Variants in PKP2 observed in about 807,000 individuals in gnomAD.
PKP2 encodes the protein plakophilin 2.
In PKP2, 73 loss-of-function variants were observed where a neutral mutation model predicts 83.4. The ratio of observed to expected loss-of-function variants is 0.88; its 90% confidence interval spans 0.72 to 1.06. The LOEUF is 1.06. Among genes scored for constraint, PKP2 ranks in the 50% least tolerant of loss-of-function variants. The pLI is 0.00. For synonymous variants in PKP2, 409 were observed against 430.4 expected, an observed-to-expected ratio of 0.95 and a Z score of 0.62; for missense variants, 966 against 1,065.4, an observed-to-expected ratio of 0.91 and a Z score of 1.30.
At chr12:32,876,970 T>G (rs1956938686) in intron 3 of PKP2, among the ~76,000 whole-genome samples, 1 of 152,244 alleles carries the variant, frequency 6.6e-6, no homozygotes, top group African/African-American at 2.4e-5. Flanking sequence ...TTTTGAGAAG[T>G]AGTTTATTAA....
rs369921166 is a variant in PKP2 at position 32,877,905 on chromosome 12, G to A, written c.975C>T (p.Ala325=). Reference sequence around the variant, plus strand: ...TGAGCAGATTCCCACTTCCCCCTGCGGCCGCCTGGCCGACAGTCAAGTGCG... The same window carrying A: ...TGAGCAGATTCCCACTTCCCCCTGCAGCCGCCTGGCCGACAGTCAAGTGCG... ...RRAHLTVGQA[A]AGGSGNLLTE... is the part of the protein sequence containing the mutation. The change falls in exon 3 of 13, where the codon GCC becomes GCT. Residue 325 remains alanine (A), a synonymous_variant. Coordinates refer to ENST00000340811, the MANE Select transcript of PKP2 (RefSeq NM_001005242.3). The A allele has an allele frequency of 1.1e-5, 17 of 1,614,134 alleles. No homozygotes were observed. Among genetic ancestry groups the A allele is most frequent in the East Asian group, 2.2e-5 (1 of 44,872 alleles).
intron 5 of PKP2, among the ~76,000 whole-genome samples, chr12:32,848,903 A>C (rs1216270487): frequency 6.6e-6 from 1 of 152,156 alleles, no homozygotes; most frequent in Non-Finnish European, 1.5e-5. Flanking sequence ...AACTAAATGA[A>C]GCAGGTAGAA....
At chr12:32,850,688 C>T (rs1956687561) in intron 5 of PKP2, 78 bp downstream of exon 5, 4 of 1,116,938 alleles carry the variant, frequency 3.6e-6, no homozygotes, top group Non-Finnish European at 4.1e-6. Flanking sequence ...CTCCAGGAAA[C>T]TTAAGAAAAA....
At chr12:32,794,771 G>C (rs1412950164) in intron 11 of PKP2, among the ~76,000 whole-genome samples, 1 of 152,164 alleles carries the variant, frequency 6.6e-6, no homozygotes, top group African/African-American at 2.4e-5. Context: ...CAGCCTCTGG[G>C]GATGGGTGAA....
At position 32,835,556 on chromosome 12, in the gene PKP2, G is replaced by A. The variant is rs1200025438; in HGVS notation, c.1556+5472C>T. 6.3e-4 allele frequency among the ~76,000 whole-genome samples: 3 copies of A among 4,746 alleles called. No individual in the cohort carries two copies. In the Non-Finnish European group the frequency reaches 8.5e-3, roughly 13 times the overall value. The allele number at this position is 4,746 out of a possible 152,430, so 3.1% of individuals were successfully genotyped here. On this transcript the variant is annotated intron_variant, in intron 6 of 12. Coordinates refer to ENST00000340811, the MANE Select transcript of PKP2 (RefSeq NM_001005242.3). ...AAGAAAAAGAGGAAAAAAAGAAAAA[G>A]AGGAAAAAAAAGAAAGAAAAAAAAG...
chr12:32,877,730 C>A, intron 3 of PKP2, 116 bp downstream of exon 3: 2 of 798,152 alleles, frequency 2.5e-6, no homozygotes, highest in Non-Finnish European at 4.3e-6. Context: ...TTATTTTAAT[C>A]ACTTATCTCT....
intron 1 of PKP2, among the ~76,000 whole-genome samples, chr12:32,887,321 C>T (rs900414041): frequency 6.6e-6 from 1 of 152,172 alleles, no homozygotes; most frequent in African/African-American, 2.4e-5. Context: ...ATACCAGCCA[C>T]TAGAGTCCTT....
At chr12:32,840,993 C>A in intron 6 of PKP2, 35 bp downstream of exon 6, 1 of 1,556,160 alleles carries the variant, frequency 6.4e-7, no homozygotes. Context: ...TTTTTTATTG[C>A]ATCTTCTATC....
intron 1 of PKP2, among the ~76,000 whole-genome samples, chr12:32,890,922 C>T (rs1397931132): frequency 5.4e-5 from 8 of 149,196 alleles, no homozygotes; most frequent in South Asian, 2.1e-4. Flanking sequence ...ATCGTACCAC[C>T]GCACTCCAGC....
chr12:32,804,545 C>T (rs188169949), intron 9 of PKP2, among the ~76,000 whole-genome samples: 86 of 152,270 alleles, frequency 5.6e-4, no homozygotes, highest in African/African-American at 1.3e-3. Flanking sequence ...AGTGAGGCCA[C>T]GTGGTACTTG....
intron 1 of PKP2, among the ~76,000 whole-genome samples, chr12:32,886,601 T>C (rs1231551310): frequency 6.6e-6 from 1 of 152,226 alleles, no homozygotes; most frequent in Non-Finnish European, 1.5e-5. Context: ...CTTCTATTCT[T>C]ACTTTCCAAG....
intron 9 of PKP2, among the ~76,000 whole-genome samples, chr12:32,818,936 TA>T (rs887009371): frequency 1.6e-4 from 24 of 152,198 alleles, no homozygotes; most frequent in African/African-American, 5.3e-4. Flanking sequence ...AAAGTATTAT[TA>T]AAAAAACACA....
At chr12:32,838,530 A>C (rs574758869) in intron 6 of PKP2, among the ~76,000 whole-genome samples, 1 of 152,208 alleles carries the variant, frequency 6.6e-6, no homozygotes, top group East Asian at 1.9e-4. Flanking sequence ...GATCGCCACT[A>C]TCTGGCTTTA....
At chr12:32,796,320 A>C (rs775774099) in intron 10 of PKP2, 22 bp from the exon 11 acceptor site, 6 of 1,496,548 alleles carry the variant, frequency 4.0e-6, no homozygotes, top group Non-Finnish European at 5.4e-6. Flanking sequence ...AAAAAAAAAC[A>C]AAACACTTGA....
chr12:32,801,457 C>G (rs1481376829), intron 10 of PKP2, among the ~76,000 whole-genome samples: 7 of 152,186 alleles, frequency 4.6e-5, no homozygotes, highest in African/African-American at 1.7e-4. Flanking sequence ...AGGCTTATCT[C>G]TACTTAGAAT....
intron 6 of PKP2, among the ~76,000 whole-genome samples, chr12:32,839,920 T>C (rs933422144): frequency 6.6e-6 from 1 of 152,172 alleles, no homozygotes; most frequent in Non-Finnish European, 1.5e-5. Flanking sequence ...AATTTCTGAC[T>C]ACCAAAATAG....
intron 7 of PKP2, among the ~76,000 whole-genome samples, chr12:32,822,950 T>C (rs1314352680): frequency 6.6e-6 from 1 of 152,144 alleles, no homozygotes; most frequent in African/African-American, 2.4e-5. Flanking sequence ...GAGATACTGT[T>C]TATAGGGACC....
intron 4 of PKP2, among the ~76,000 whole-genome samples, chr12:32,855,534 A>G (rs147545074): frequency 0.03 from 4,549 of 152,244 alleles, 104 homozygotes; most frequent in Middle Eastern, 0.061. Context: ...AGCACTTTGG[A>G]AGGCCGAGGC....
Position 32,853,499 on chromosome 12 carries a change from A to G in PKP2, c.1171-2526T>C, listed in dbSNP as rs546373220. Among the ~76,000 whole-genome samples the G allele has an allele frequency of 2.7e-5, 4 of 146,310 alleles. No homozygotes were observed. The South Asian group carries it at 8.5e-4, about 31-fold the overall frequency. On this transcript the variant is annotated intron_variant, in intron 4 of 12. Transcript: ENST00000340811. ...TTATTTCATGGTAAGGTTTTAAGGT[A>G]AATTCATACTTTTTTTTTTTTTTTT...
Sources: allele counts gnomAD v4.1 joint callset (sites outside exome capture counted in the v4.1 genomes callset), GRCh38; gene constraint gnomAD v4.1.1; transcripts MANE v1.5; gene names NCBI Gene and HGNC (gene_info 2026-07-23, HGNC 2026-07-21).